The following SORL1 variants were observed in gnomAD, a reference collection of about 807,000 sequenced individuals.
SORL1 encodes sortilin related receptor 1, also known as sortilin-related receptor.
A neutral mutation model predicts 273.7 loss-of-function variants in SORL1; 127 were observed. The ratio of observed to expected loss-of-function variants is 0.46; its 90% CI spans 0.40 to 0.54. The LOEUF is 0.54. Ranked by LOEUF, SORL1 falls within the 20% of genes least tolerant of loss-of-function variation. The pLI is 0.00. For missense variants in SORL1, 2,494 were observed against 2,846.1 expected (o/e 0.88, Z 2.81); for synonymous variants, 1,031 against 1,067.4 (o/e 0.97, Z 0.66).
chr11:121,622,281 C>T lies in SORL1; in HGVS notation c.6171+13C>T, dbSNP rs1259795912. The stretch of plus-strand genomic sequence containing the variant: ...TAATGAAAGCAGGGTAAGTTCCTCC[C>T]TCATTCTCAATGACTTTGGAAATTT... On this transcript the variant is annotated intron_variant, in intron 45 of 47. Coordinates refer to ENST00000260197, the MANE Select transcript of SORL1 (RefSeq NM_003105.6). 27 of 1,492,142 alleles carry T rather than the reference C, an allele frequency of 1.8e-5. No individual in the cohort carries two copies. The highest frequency in any genetic ancestry group is 3.4e-5 in the South Asian group (3 of 87,622). 92.4% of individuals were successfully genotyped at this position (1,492,142 alleles called of 1,614,324 possible).
rs373077929 is a variant in SORL1, at chr11:121,550,632, C to T, written c.2228C>T (p.Ala743Val). 147 of 1,613,916 alleles carry T rather than the reference C, an allele frequency of 9.1e-5. No individual in the cohort carries two copies. Among genetic ancestry groups the T allele is most frequent in the African/African-American group, 1.3e-4 (10 of 74,886 alleles). Residue 743 changes from alanine (A) to valine (V), a missense_variant, in exon 16 of 48, where the codon GCG (alanine) becomes GTG (valine). Coordinates refer to ENST00000260197, the MANE Select transcript of SORL1 (RefSeq NM_003105.6). The surrounding 1 kb of genome is among the most constrained non-coding windows in gnomAD (Gnocchi z 5.3). ...GDTCSGGDVE[A>V]RLEGELVPCP... ...ACTTGTAGCGGAGGAGATGTTGAAG[C>T]GCGACTGGAAGGAGAGCTGGTCCCC...
chr11:121,608,298 C>T (rs1863509512), intron 38 of SORL1, 122 bp downstream of exon 38: 1 of 787,066 alleles, frequency 1.3e-6, no homozygotes, highest in Non-Finnish European at 2.1e-6. Flanking sequence ...ACTTTCTTCT[C>T]CCCAACACAC....
chr11:121,583,399 A>G, intron 25 of SORL1, 59 bp from the exon 26 acceptor site: 1 of 1,547,350 alleles, frequency 6.5e-7, no homozygotes, highest in Admixed American at 1.9e-5. Flanking sequence ...ACCCCCTTGG[A>G]CAGTTGGTGG....
At position 121,612,835 on chromosome 11, in the gene SORL1, A is replaced by G; in HGVS notation, c.5419+3A>G. On this transcript the variant is annotated splice_donor_region_variant and intron_variant, in intron 40 of 47. Coordinates refer to ENST00000260197, the MANE Select transcript of SORL1 (RefSeq NM_003105.6). Reference sequence around the variant, plus strand: ...AGGAAGCATATTGTCACACAAAGGTAACACTTTGGTGCTGGTCAGTGTGTG... The same window carrying G: ...AGGAAGCATATTGTCACACAAAGGTGACACTTTGGTGCTGGTCAGTGTGTG... 1 of 1,602,870 alleles carries G rather than the reference A, an allele frequency of 6.2e-7. No individual in the cohort carries two copies.
intron 31 of SORL1, among the ~76,000 whole-genome samples, chr11:121,593,167 C>T (rs900227492): frequency 8.5e-5 from 13 of 152,186 alleles, no homozygotes; most frequent in African/African-American, 2.7e-4. Context: ...GCATGATTTG[C>T]CTTGGCCTGG....
intron 12 of SORL1, among the ~76,000 whole-genome samples, chr11:121,534,870 C>T (rs1013088465): frequency 1.3e-5 from 2 of 152,198 alleles, no homozygotes; most frequent in African/African-American, 4.8e-5. Flanking sequence ...ATCTCTTTTC[C>T]TTTATGACTC....
Position 121,625,201 on chromosome 11 carries a change from C to G in SORL1, c.6288C>G (p.Thr2096=). The change falls in exon 46 of 48, where the codon ACC becomes ACG. Residue 2096 remains threonine (T), a synonymous_variant. Transcript: ENST00000260197. ...AGATGGGTCATAATTACACGTTCACCGTCCAAGCAAGATGCCTTTTTGGCA... is the reference window on the plus strand; with the variant it reads ...AGATGGGTCATAATTACACGTTCACGGTCCAAGCAAGATGCCTTTTTGGCA... ...NLKMGHNYTF[T]VQARCLFGNQ... is the part of the protein sequence containing the mutation. The G allele has an allele frequency of 6.2e-7, 1 of 1,614,024 alleles. No homozygotes were observed. Among genetic ancestry groups the G allele is most frequent in the Non-Finnish European group, 8.5e-7 (1 of 1,179,948 alleles).
Position 121,629,619 on chromosome 11 carries a change from G to A in SORL1, c.*56G>A. On this transcript the variant is annotated 3_prime_UTR_variant, in exon 48 of 48. Transcript: ENST00000260197. ...GTAAATATTTTATTTGATAAAGATA[G>A]TTGATGGTTTATTTTAAAAGATGCA... 1 of 854,622 alleles carries A rather than the reference G, an allele frequency of 1.2e-6. No individual in the cohort carries two copies. The highest frequency in any genetic ancestry group is 2.0e-6 in the Non-Finnish European group (1 of 502,490). 52.9% of individuals were successfully genotyped at this position (854,622 alleles called of 1,614,324 possible).
intron 11 of SORL1, 116 bp from the exon 12 acceptor site, chr11:121,532,348 G>A: frequency 1.2e-6 from 1 of 836,878 alleles, no homozygotes; most frequent in Middle Eastern, 2.3e-4. Flanking sequence ...TTTTCAAGTG[G>A]TTGTCATTGC....
At chr11:121,583,038 G>C (rs1273782961) in intron 25 of SORL1, among the ~76,000 whole-genome samples, 3 of 152,222 alleles carry the variant, frequency 2.0e-5, no homozygotes, top group Non-Finnish European at 4.4e-5. Context: ...GGACTTAGGT[G>C]AGAAGGCAAA....
chr11:121,520,095 T>TA (rs200221023), intron 8 of SORL1, among the ~76,000 whole-genome samples: 3,007 of 151,642 alleles, frequency 0.02, 59 homozygotes, highest in Middle Eastern at 0.037. Flanking sequence ...TACCAAAAAA[T>TA]AAAAAAAATT....
At position 121,502,657 on chromosome 11, in the gene SORL1, C is replaced by T. The variant is rs116155690; in HGVS notation, c.939+5608C>T. ...TGGCTAAGGATGTTGAACATCTTTT[C>T]ACGTGGCTGTTGGCCATTTGTATGT... is the stretch of plus-strand genomic sequence containing the variant. On this transcript the variant is annotated intron_variant, in intron 6 of 47. Transcript: ENST00000260197. 4.8e-3 allele frequency among the ~76,000 whole-genome samples: 733 copies of T among 152,264 alleles called. 5 individuals carry two copies. Among genetic ancestry groups the T allele is most frequent in the African/African-American group, 0.017 (704 of 41,562 alleles).
intron 1 of SORL1, among the ~76,000 whole-genome samples, chr11:121,454,555 T>C (rs944973775): frequency 6.6e-6 from 1 of 152,128 alleles, no homozygotes; most frequent in African/African-American, 2.4e-5. Context: ...GTCAAACTCA[T>C]AATGAGGAAT....
At chr11:121,493,584 G>C (rs1002224744) in intron 5 of SORL1, among the ~76,000 whole-genome samples, 1 of 152,104 alleles carries the variant, frequency 6.6e-6, no homozygotes, top group African/African-American at 2.4e-5. Flanking sequence ...TTGATTATTA[G>C]TCTTTTCATT....
At chr11:121,525,480 T>A (rs1295244190) in intron 11 of SORL1, among the ~76,000 whole-genome samples, 1 of 152,266 alleles carries the variant, frequency 6.6e-6, no homozygotes, top group East Asian at 1.9e-4. Context: ...CTGGGTAGCA[T>A]GGTGGGTATA....
chr11:121,478,132 C>A lies in SORL1; in HGVS notation c.417C>A (p.Tyr139Ter). 6.2e-7 allele frequency: 1 copy of A among 1,613,066 alleles called. No individual in the cohort carries two copies. Among genetic ancestry groups the A allele is most frequent in the Non-Finnish European group, 8.5e-7 (1 of 1,179,586 alleles). Residue 139 changes from tyrosine (Y) to a stop codon, truncating the protein, a stop_gained, in exon 3 of 48, where the codon TAC becomes TAA. Transcript: ENST00000260197. LOFTEE classifies it high-confidence loss of function. ...CTGTATTCCAGGTGTACGTGTCTTA[C>A]GACTATGGAAAATCATTCAAGAAAA... ...RPKSSDVYVS[Y>*]DYGKSFKKIS...
At chr11:121,525,127 A>G (rs538229056) in intron 11 of SORL1, among the ~76,000 whole-genome samples, 20 of 152,200 alleles carry the variant, frequency 1.3e-4, no homozygotes, top group African/African-American at 4.6e-4. Context: ...CCCACTCTCC[A>G]GTCTTGTCCT....
In SORL1 at chr11:121,571,617, A is replaced by G. The variant is rs550990303; in HGVS notation, c.3337+1347A>G. ...GATTAATGGGAAGCTCTAGATACTC[A>G]TTTAGCCAGTCATCCGTGGGGCCTG... On this transcript the variant is annotated intron_variant, in intron 23 of 47. Coordinates refer to ENST00000260197, the MANE Select transcript of SORL1 (RefSeq NM_003105.6). 3.9e-5 allele frequency among the ~76,000 whole-genome samples: 6 copies of G among 152,348 alleles called. No individual in the cohort carries two copies. The South Asian group carries it at 1.2e-3, about 32-fold the overall frequency.
chr11:121,587,605 T>C (rs1189997451), intron 27 of SORL1, among the ~76,000 whole-genome samples: 1 of 152,202 alleles, frequency 6.6e-6, no homozygotes, highest in East Asian at 1.9e-4. Context: ...ACACAGTGCA[T>C]TCCATAATAT....
Sources: gnomAD v4.1 joint callset for allele counts (sites outside exome capture counted in the v4.1 genomes callset) on GRCh38, gnomAD v4.1.1 for gene constraint, Gnocchi (gnomAD v3.1) non-coding constraint, MANE v1.5 for transcripts, NCBI Gene and HGNC (gene_info 2026-07-23, HGNC 2026-07-21) for gene names.